The following TOMM34 variants were observed in gnomAD, a reference collection of about 807,000 sequenced individuals.
The protein encoded by TOMM34 is mitochondrial import receptor subunit TOM34.
Under a neutral mutation model 37.4 loss-of-function variants are expected in TOMM34, and 24 were observed. The observed-to-expected ratio is 0.64, with a 90% CI of 0.46 to 0.90. The LOEUF (loss-of-function observed/expected upper bound fraction) is 0.90, where lower values mean the gene tolerates loss of function less well. TOMM34 is among the 40% of genes least tolerant of loss of function. The pLI is 0.00. For synonymous variants in TOMM34, 154 were observed against 148.9 expected (o/e 1.03, Z -0.25); for missense variants, 304 against 375.6 (o/e 0.81, Z 1.58).
chr20:44,954,724 C>T (rs752354041), intron 3 of TOMM34, among the ~76,000 whole-genome samples: 7 of 152,240 alleles, frequency 4.6e-5, no homozygotes, highest in Middle Eastern at 3.4e-3. Context: ...TTAGCGTTAG[C>T]GCTTTGAAGG....
chr20:44,944,207 A>G (rs2066961169), intron 5 of TOMM34, among the ~76,000 whole-genome samples: 1 of 152,224 alleles, frequency 6.6e-6, no homozygotes, highest in Non-Finnish European at 1.5e-5. Context: ...CATTTTCATA[A>G]TAAAATGTTG....
At chr20:44,958,542 T>A (rs557417948) in intron 1 of TOMM34, 1 of 354,720 alleles carries the variant, frequency 2.8e-6, no homozygotes, top group East Asian at 7.5e-5. Context: ...CATGAGGATA[T>A]CACTTCATAG....
chr20:44,944,995 T>C lies in TOMM34; in HGVS notation c.699-1416A>G, dbSNP rs78774105. Among the ~76,000 whole-genome samples, 1,522 of 152,334 alleles carry C rather than the reference T, an allele frequency of 1.0e-2. 23 individuals carry two copies. Among genetic ancestry groups the C allele is most frequent in the African/African-American group, 0.033 (1,388 of 41,570 alleles). The stretch of plus-strand genomic sequence containing the variant: ...TAAGAATACCTTCCCCACTGCAAGA[T>C]AGTTAATCCATGTGTTCTTCTAGAA... On this transcript the variant is annotated intron_variant, in intron 5 of 6. Transcript: ENST00000372813.
intron 2 of TOMM34, among the ~76,000 whole-genome samples, chr20:44,956,114 C>T (rs534552621): frequency 6.6e-5 from 10 of 152,298 alleles, no homozygotes; most frequent in African/African-American, 2.4e-4. Context: ...TCCCAGGTTT[C>T]AAATTGCACA....
intron 4 of TOMM34, among the ~76,000 whole-genome samples, chr20:44,949,550 A>C (rs1446030988): frequency 6.6e-6 from 1 of 152,208 alleles, no homozygotes; most frequent in Non-Finnish European, 1.5e-5. Context: ...CTTGGTGTTC[A>C]GGCCCTTCAC....
rs779770962 is a variant in TOMM34, at chr20:44,943,114, G to T, written c.925C>A (p.His309Asn). 6.2e-7 allele frequency: 1 copy of T among 1,614,098 alleles called. No individual in the cohort carries two copies. Among genetic ancestry groups the T allele is most frequent in the Non-Finnish European group, 8.5e-7 (1 of 1,180,010 alleles). Residue 309 changes from histidine (H) to asparagine (N), a missense_variant, in exon 7 of 7, where the codon CAC becomes AAC. His to Asn is a moderately conservative substitution (Grantham distance 68, BLOSUM62 1). Coordinates refer to ENST00000372813, the MANE Select transcript of TOMM34 (RefSeq NM_006809.5). ...KLRQEVKQNL[H>N] ...CCAGTTGCCCTGTTGGGTTTTTAGTGTAGGTTCTGCTTCACTTCCTGCCGC... is the reference window on the plus strand; with the variant it reads ...CCAGTTGCCCTGTTGGGTTTTTAGTTTAGGTTCTGCTTCACTTCCTGCCGC...
intron 5 of TOMM34, 137 bp from the exon 6 acceptor site, chr20:44,943,716 C>G (rs559778537): frequency 7.6e-7 from 1 of 1,316,566 alleles, no homozygotes; most frequent in Admixed American, 2.2e-5. Flanking sequence ...CTTAAATCCT[C>G]ACAACAATCC....
chr20:44,946,119 A>G (rs2066979007), intron 5 of TOMM34, among the ~76,000 whole-genome samples: 1 of 152,266 alleles, frequency 6.6e-6, no homozygotes, highest in East Asian at 1.9e-4. Context: ...TCAGCCTCCC[A>G]AAGTGCTGGG....
chr20:44,953,355 C>T (rs1425630592), intron 3 of TOMM34, among the ~76,000 whole-genome samples: 4 of 152,318 alleles, frequency 2.6e-5, no homozygotes, highest in East Asian at 1.9e-4. Context: ...CCTTGGAACA[C>T]CTGACACTAA....
In TOMM34 at chr20:44,959,545, C is replaced by T. The variant is rs943433796; in HGVS notation, c.127+662G>A. Among the ~76,000 whole-genome samples, 4 of 152,270 alleles carry T rather than the reference C, an allele frequency of 2.6e-5. No individual in the cohort carries two copies. In the South Asian group the frequency reaches 8.3e-4, roughly 32 times the overall value. On this transcript the variant is annotated intron_variant, in intron 1 of 6. Transcript: ENST00000372813. The stretch of plus-strand genomic sequence containing the variant: ...AAGGGTCTGCCTTCCTAACTGACCT[C>T]ATGTCTTCCTATTCCCTGCCCTGGC...
In TOMM34 at chr20:44,943,548, T is replaced by G; in HGVS notation, c.730A>C (p.Thr244Pro). The G allele has an allele frequency of 1.2e-6, 2 of 1,614,216 alleles. No homozygotes were observed. The highest frequency in any genetic ancestry group is 1.7e-6 in the Non-Finnish European group (2 of 1,180,042). ...TCTGTGCAGTCCTTCACTGCTTCTG[T>G]GTACTGCTTCAGGACCAAATAGCAG... is the stretch of plus-strand genomic sequence containing the variant. ...ALCYLVLKQY[T>P]EAVKDCTEAL... Residue 244 changes from threonine (T) to proline (P), a missense_variant, in exon 6 of 7, where the codon ACA (threonine) becomes CCA (proline). Transcript: ENST00000372813.
intron 2 of TOMM34, 176 bp from the exon 3 acceptor site, chr20:44,955,396 G>A: frequency 1.4e-6 from 1 of 732,714 alleles, no homozygotes; most frequent in African/African-American, 1.7e-5. Flanking sequence ...GTAGACTGAA[G>A]TGAGGAGGAG....
Position 44,942,994 on chromosome 20 carries a change from G to T in TOMM34, c.*115C>A. 1.1e-6 allele frequency: 1 copy of T among 917,436 alleles called. No homozygotes were observed. The allele number at this position is 917,436 out of a possible 1,614,324, so 56.8% of individuals were successfully genotyped here. A position where few individuals can be genotyped will look rare whatever the true frequency, so the allele number is the denominator to read the frequency against. Reference sequence around the variant, plus strand: ...TGGGAGGCCATCAAGGGATTGAGGAGGGGGCTTCAGAGCTCACTTGGGGCA... The same window carrying T: ...TGGGAGGCCATCAAGGGATTGAGGATGGGGCTTCAGAGCTCACTTGGGGCA... On this transcript the variant is annotated 3_prime_UTR_variant, in exon 7 of 7. Coordinates refer to ENST00000372813, the MANE Select transcript of TOMM34 (RefSeq NM_006809.5).
intron 2 of TOMM34, 116 bp downstream of exon 2, chr20:44,956,270 T>C (rs2067071900): frequency 7.8e-6 from 8 of 1,019,160 alleles, no homozygotes; most frequent in South Asian, 1.5e-5. Context: ...GACACTTTCT[T>C]AATATCTGTC....
intron 3 of TOMM34, chr20:44,952,724 C>G (rs1014191748): frequency 2.1e-5 from 15 of 715,896 alleles, no homozygotes; most frequent in Non-Finnish European, 3.9e-5. Flanking sequence ...CTAGCAACCA[C>G]CAAGGCCCAA....
intron 5 of TOMM34, among the ~76,000 whole-genome samples, chr20:44,943,983 A>C (rs566923799): frequency 5.3e-4 from 81 of 152,062 alleles, no homozygotes; most frequent in African/African-American, 1.7e-3. Flanking sequence ...GGAAAAAAAA[A>C]CCCAACAACT....
chr20:44,943,347 G>T, intron 6 of TOMM34, 106 bp downstream of exon 6: 1 of 1,596,588 alleles, frequency 6.3e-7, no homozygotes, highest in Non-Finnish European at 8.6e-7. Flanking sequence ...GGATGAGAAG[G>T]AAAAGCTGCA....
chr20:44,956,515 G>A lies in TOMM34; in HGVS notation c.128-30C>T, dbSNP rs73108253. 4,523 of 1,611,676 alleles carry A rather than the reference G, an allele frequency of 2.8e-3. 11 individuals carry two copies. The highest frequency in any genetic ancestry group is 3.6e-3 in the Non-Finnish European group (4,225 of 1,178,164). On this transcript the variant is annotated intron_variant, in intron 1 of 6. Coordinates refer to ENST00000372813, the MANE Select transcript of TOMM34 (RefSeq NM_006809.5). ...CCAGATAGAGTGGGGAAGATGATCA[G>A]TTTGGAAAATGGGTGCCTCAGGGCA...
At chr20:44,944,912 A>C (rs2284267) in intron 5 of TOMM34, among the ~76,000 whole-genome samples, 52,246 of 152,030 alleles carry the variant, frequency 0.34, 9,513 homozygotes, top group Admixed American at 0.5. Flanking sequence ...AATCTTTTGA[A>C]ATCAAACTTC....
Sources: gnomAD v4.1 joint callset for allele counts (sites outside exome capture counted in the v4.1 genomes callset) on GRCh38, gnomAD v4.1.1 for gene constraint, MANE v1.5 for transcripts, NCBI Gene and HGNC (gene_info 2026-07-23, HGNC 2026-07-21) for gene names.